The following KCNN2 variants were observed in gnomAD, a reference collection of about 807,000 sequenced individuals.
KCNN2 encodes the protein small conductance calcium-activated potassium channel protein 2.
KCNN2 carries 24 observed loss-of-function variants against 55.5 expected under a neutral mutation model. That is an observed-to-expected ratio of 0.43 (90% CI 0.31 to 0.61). The LOEUF (loss-of-function observed/expected upper bound fraction) is 0.61. KCNN2 is among the 20% of genes least tolerant of loss of function. The probability of loss-of-function intolerance (pLI) is 0.08; values close to 1 mark genes in which losing one functional copy is unlikely to be tolerated. For missense variants in KCNN2, 754 were observed against 853.6 expected, an observed-to-expected ratio of 0.88 and a Z score of 1.45; for synonymous variants, 431 against 336.1, an observed-to-expected ratio of 1.28 and a Z score of -3.09.
chr5:114,370,326 A>G (rs1486608458), intron 2 of KCNN2, among the ~76,000 whole-genome samples: 1 of 152,146 alleles, frequency 6.6e-6, no homozygotes, highest in Non-Finnish European at 1.5e-5. Context: ...GTCTCATTTT[A>G]TTTATTCCAT....
chr5:114,160,047 T>G (rs1409082454), intron 1 of KCNN2, among the ~76,000 whole-genome samples: 1 of 152,182 alleles, frequency 6.6e-6, no homozygotes, highest in Non-Finnish European at 1.5e-5. Flanking sequence ...TTCTGCTAGC[T>G]TTTGAATGTG....
At chr5:114,262,309 T>C (rs1263869866) in intron 2 of KCNN2, among the ~76,000 whole-genome samples, 1 of 152,202 alleles carries the variant, frequency 6.6e-6, no homozygotes, top group Non-Finnish European at 1.5e-5. Flanking sequence ...CTTTCAGTAG[T>C]CTCAGACTCT....
At chr5:114,129,100 G>A (rs1018464276) in intron 1 of KCNN2, among the ~76,000 whole-genome samples, 1 of 152,154 alleles carries the variant, frequency 6.6e-6, no homozygotes, top group Admixed American at 6.5e-5. Flanking sequence ...AGATCTTAAG[G>A]AAGGTGAAAT....
intron 2 of KCNN2, among the ~76,000 whole-genome samples, chr5:114,391,396 C>G (rs904769596): frequency 2.0e-5 from 3 of 151,800 alleles, no homozygotes; most frequent in African/African-American, 7.3e-5. Flanking sequence ...TTTTTTGTAG[C>G]TGAAGAAACT....
intron 3 of KCNN2, among the ~76,000 whole-genome samples, chr5:114,415,831 A>T (rs1187326917): frequency 3.9e-5 from 6 of 152,100 alleles, no homozygotes; most frequent in African/African-American, 1.4e-4. Context: ...CTTGTGTTGT[A>T]ATTTTCATTT....
intron 2 of KCNN2, among the ~76,000 whole-genome samples, chr5:114,383,556 C>T (rs1051185040): frequency 1.6e-4 from 24 of 150,970 alleles, no homozygotes; most frequent in African/African-American, 5.4e-4. Context: ...GCAACCTCCG[C>T]CTTCTGGATT....
At chr5:114,090,804 A>C (rs1025700196) in intron 1 of KCNN2, among the ~76,000 whole-genome samples, 1 of 151,958 alleles carries the variant, frequency 6.6e-6, no homozygotes, top group African/African-American at 2.4e-5. Flanking sequence ...TTCTTCCAAT[A>C]CCAGTAGCCA....
intron 1 of KCNN2, among the ~76,000 whole-genome samples, chr5:114,161,398 T>A (rs1446076452): frequency 2.2e-5 from 3 of 134,766 alleles, no homozygotes; most frequent in Admixed American, 8.0e-5. Context: ...CTTCCCTTTG[T>A]GGGTAACCCA....
At chr5:114,220,203 C>G (rs936692580) in intron 1 of KCNN2, among the ~76,000 whole-genome samples, 1 of 152,082 alleles carries the variant, frequency 6.6e-6, no homozygotes, top group Admixed American at 6.6e-5. Context: ...CTTGGCTTAA[C>G]AAATAATACA....
chr5:114,082,634 A>C (rs1215001810), intron 1 of KCNN2, among the ~76,000 whole-genome samples: 6 of 152,244 alleles, frequency 3.9e-5, no homozygotes, highest in African/African-American at 1.4e-4. Context: ...TGTTTATAAC[A>C]GCATTATTCA....
intron 2 of KCNN2, among the ~76,000 whole-genome samples, chr5:114,396,922 G>T (rs1191039195): frequency 6.6e-6 from 1 of 152,008 alleles, no homozygotes; most frequent in Non-Finnish European, 1.5e-5. Context: ...TTCCTTCTTT[G>T]CGTCCATGTG....
chr5:114,456,813 T>G (rs1021115934), intron 3 of KCNN2, among the ~76,000 whole-genome samples: 1 of 152,160 alleles, frequency 6.6e-6, no homozygotes, highest in Non-Finnish European at 1.5e-5. Flanking sequence ...GCAAGATAAC[T>G]AGAAATATTA....
chr5:114,116,514 G>T (rs1475267764), intron 1 of KCNN2, among the ~76,000 whole-genome samples: 1 of 152,020 alleles, frequency 6.6e-6, no homozygotes, highest in Admixed American at 6.6e-5. Context: ...TATGTAGAAA[G>T]GATTCTTTCT....
At chr5:114,377,621 A>G (rs1038141759) in intron 2 of KCNN2, among the ~76,000 whole-genome samples, 1 of 152,182 alleles carries the variant, frequency 6.6e-6, no homozygotes, top group Admixed American at 6.5e-5. Flanking sequence ...GACGCCTTCT[A>G]TCTAGACAGA....
chr5:114,076,958 G>C (rs546772593), intron 1 of KCNN2, among the ~76,000 whole-genome samples: 5 of 152,328 alleles, frequency 3.3e-5, no homozygotes, highest in African/African-American at 1.2e-4. Context: ...GCCTCCCAAA[G>C]TGATGGGATT....
intron 5 of KCNN2, chr5:114,486,560 G>T: frequency 3.5e-6 from 1 of 287,782 alleles, no homozygotes; most frequent in African/African-American, 2.3e-5. Flanking sequence ...AGTCATTCTG[G>T]GAGGCTATCA....
At chr5:114,095,464 G>T (rs1178783084) in intron 1 of KCNN2, among the ~76,000 whole-genome samples, 1 of 152,128 alleles carries the variant, frequency 6.6e-6, no homozygotes, top group Non-Finnish European at 1.5e-5. Flanking sequence ...AACGAAGGCA[G>T]ATTATAACCT....
intron 1 of KCNN2, among the ~76,000 whole-genome samples, chr5:114,120,275 C>T (rs546461667): frequency 4.6e-5 from 7 of 152,056 alleles, no homozygotes; most frequent in Non-Finnish European, 7.4e-5. Flanking sequence ...TTAGCACTGC[C>T]GCAGTAGTCC....
chr5:114,335,354 T>C (rs1223015594), intron 2 of KCNN2, among the ~76,000 whole-genome samples: 1 of 152,212 alleles, frequency 6.6e-6, no homozygotes, highest in East Asian at 1.9e-4. Context: ...TAGATAGGAT[T>C]CTGCCTCTCT....
Sources: allele counts gnomAD v4.1 joint callset (sites outside exome capture counted in the v4.1 genomes callset), GRCh38; gene constraint gnomAD v4.1.1; transcripts MANE v1.5; gene names NCBI Gene and HGNC (gene_info 2026-07-23, HGNC 2026-07-21).